Variants in TOP1 observed in about 807,000 individuals in gnomAD.
TOP1 encodes the protein DNA topoisomerase 1.
Under a neutral mutation model 111.1 loss-of-function variants are expected in TOP1, and 10 were observed. That is an observed-to-expected ratio of 0.09 (90% CI 0.06 to 0.15). TOP1 has a LOEUF of 0.15. Ranked by LOEUF, TOP1 falls within the 10% of genes least tolerant of loss-of-function variation. The pLI, the probability that TOP1 is intolerant of heterozygous loss-of-function variation, is 1.00. For synonymous variants in TOP1, 271 were observed against 302.9 expected, an observed-to-expected ratio of 0.89 and a Z score of 1.10; for missense variants, 474 against 926.7, an observed-to-expected ratio of 0.51 and a Z score of 6.34.
At chr20:41,047,351 C>G (rs2033346922) in intron 2 of TOP1, among the ~76,000 whole-genome samples, 1 of 152,212 alleles carries the variant, frequency 6.6e-6, no homozygotes, top group African/African-American at 2.4e-5. Context: ...AAATACTTAA[C>G]ACTGTGTTAC....
intron 7 of TOP1, 72 bp from the exon 8 acceptor site, chr20:41,084,390 G>C: frequency 2.4e-6 from 2 of 850,340 alleles, no homozygotes; most frequent in Non-Finnish European, 3.6e-6. Context: ...TCTTCCTCAT[G>C]GCTCCCAAAA....
At position 41,034,457 on chromosome 20, in the gene TOP1, T is replaced by C. The variant is rs1287919628; in HGVS notation, c.58+5002T>C. On this transcript the variant is annotated intron_variant, in intron 2 of 20. Transcript: ENST00000361337. The surrounding 1 kb of genome is among the most constrained non-coding windows in gnomAD (Gnocchi z 4.0). The stretch of plus-strand genomic sequence containing the variant: ...CTATCTAGATGTGGACAGTATGTGC[T>C]GTGTTGATAGCATAGGGCCTGGGAA... Among the ~76,000 whole-genome samples, 1 of 152,140 alleles carries C rather than the reference T, an allele frequency of 6.6e-6. No homozygotes were observed. Among genetic ancestry groups the C allele is most frequent in the Non-Finnish European group, 1.5e-5 (1 of 68,020 alleles).
At position 41,073,217 on chromosome 20, in the gene TOP1, C is replaced by G. The variant is rs1355693577; in HGVS notation, c.156-2954C>G. 4 of 985,064 alleles carry G rather than the reference C, an allele frequency of 4.1e-6. No homozygotes were observed. In the East Asian group the frequency reaches 3.4e-4, roughly 84 times the overall value. The allele number at this position is 985,064 out of a possible 1,614,324, so 61.0% of individuals were successfully genotyped here. A position where few individuals can be genotyped will look rare whatever the true frequency, so the allele number is the denominator to read the frequency against. ...CCTATGTTGTGATTGCCAAAAGGCTCAGAAAGCCAGTTTTCTAGTGAAAAT... is the reference window on the plus strand; with the variant it reads ...CCTATGTTGTGATTGCCAAAAGGCTGAGAAAGCCAGTTTTCTAGTGAAAAT... On this transcript the variant is annotated intron_variant, in intron 3 of 20. Transcript: ENST00000361337.
intron 7 of TOP1, among the ~76,000 whole-genome samples, chr20:41,081,515 C>G (rs1008824113): frequency 6.6e-6 from 1 of 152,170 alleles, no homozygotes; most frequent in Admixed American, 6.5e-5. Context: ...GATGTTCTTC[C>G]AAAAACTATG....
intron 2 of TOP1, among the ~76,000 whole-genome samples, chr20:41,059,506 T>A (rs1434771971): frequency 2.6e-5 from 4 of 151,836 alleles, no homozygotes; most frequent in African/African-American, 9.7e-5. Flanking sequence ...TTCCAAGGGC[T>A]GTGGCAGGAG....
chr20:41,053,400 A>ACT (rs1214457950), intron 2 of TOP1, among the ~76,000 whole-genome samples: 1 of 151,920 alleles, frequency 6.6e-6, no homozygotes, highest in Non-Finnish European at 1.5e-5. Flanking sequence ...TCATTATATT[A>ACT]CTCTTCACTT....
intron 3 of TOP1, among the ~76,000 whole-genome samples, chr20:41,075,286 C>G (rs1345951932): frequency 6.6e-6 from 1 of 152,198 alleles, no homozygotes; most frequent in Non-Finnish European, 1.5e-5. Flanking sequence ...ATTCTCCTGC[C>G]TCAGCCTCCC....
chr20:41,120,844 C>A (rs915348060), intron 18 of TOP1, among the ~76,000 whole-genome samples: 1 of 152,172 alleles, frequency 6.6e-6, no homozygotes, highest in African/African-American at 2.4e-5. Flanking sequence ...CGGGTTCATG[C>A]CATTCTACTG....
intron 18 of TOP1, among the ~76,000 whole-genome samples, chr20:41,120,709 T>C (rs1371398566): frequency 1.3e-5 from 2 of 152,252 alleles, no homozygotes; most frequent in South Asian, 2.1e-4. Context: ...TTCACATCCA[T>C]TGAGTGACAA....
In TOP1 at chr20:41,102,364, CTT is replaced by C. The variant is rs2034076929; in HGVS notation, c.1308+1013_1308+1014del. Reference sequence around the variant, plus strand: ...GTGGCTCAAGCCTGTAATCCCAGCACTTTGGGAGGCCGAGATGGGCGGATCAC... The same window carrying C: ...GTGGCTCAAGCCTGTAATCCCAGCACTGGGAGGCCGAGATGGGCGGATCAC... On this transcript the variant is annotated intron_variant, in intron 13 of 20. Transcript: ENST00000361337. This position sits in a 1 kb window ranked among gnomAD's most constrained non-coding sequence, Gnocchi z 4.0. Among the ~76,000 whole-genome samples, 1 of 152,160 alleles carries C rather than the reference CTT, an allele frequency of 6.6e-6. No homozygotes were observed. Among genetic ancestry groups the C allele is most frequent in the Admixed American group, 6.5e-5 (1 of 15,276 alleles).
At chr20:41,063,049 A>G (rs1464064123) in intron 3 of TOP1, among the ~76,000 whole-genome samples, 1 of 152,200 alleles carries the variant, frequency 6.6e-6, no homozygotes, top group African/African-American at 2.4e-5. Context: ...TCACCCAGGT[A>G]CTGAGCATAG....
intron 8 of TOP1, among the ~76,000 whole-genome samples, chr20:41,084,973 G>C (rs1568690284): frequency 6.6e-6 from 1 of 152,062 alleles, no homozygotes; most frequent in Non-Finnish European, 1.5e-5. Context: ...TAATTGTGCA[G>C]TAGTGAAGAT....
chr20:41,116,044 G>T lies in TOP1; in HGVS notation c.1708-234G>T, dbSNP rs1279082996. Among the ~76,000 whole-genome samples, 2 of 152,162 alleles carry T rather than the reference G, an allele frequency of 1.3e-5. No homozygotes were observed. Among genetic ancestry groups the T allele is most frequent in the Non-Finnish European group, 2.9e-5 (2 of 68,028 alleles). ...CCGAGATTGTACCACTGCACTCCAG[G>T]CTGGGTGTCAGAGTGAGACCCTGTC... On this transcript the variant is annotated intron_variant, in intron 16 of 20. Coordinates refer to ENST00000361337, the MANE Select transcript of TOP1 (RefSeq NM_003286.4). This position sits in a 1 kb window ranked among gnomAD's most constrained non-coding sequence, Gnocchi z 5.6.
At chr20:41,036,082 G>A (rs1172105356) in intron 2 of TOP1, among the ~76,000 whole-genome samples, 2 of 152,188 alleles carry the variant, frequency 1.3e-5, no homozygotes, top group Non-Finnish European at 2.9e-5. Context: ...AATATAGATT[G>A]CATAGGCTTA....
chr20:41,062,459 T>C (rs1028272045), intron 3 of TOP1, among the ~76,000 whole-genome samples: 5 of 152,244 alleles, frequency 3.3e-5, no homozygotes, highest in African/African-American at 9.6e-5. Context: ...TGGCCTTTTT[T>C]CCCTATCCCT....
Position 41,121,945 on chromosome 20 carries a change from G to A in TOP1, c.2046-61G>A, listed in dbSNP as rs2145973878. 2 of 1,596,778 alleles carry A rather than the reference G, an allele frequency of 1.3e-6. No homozygotes were observed. The highest frequency in any genetic ancestry group is 1.7e-6 in the Non-Finnish European group (2 of 1,168,870). On this transcript the variant is annotated intron_variant, in intron 19 of 20. Coordinates refer to ENST00000361337, the MANE Select transcript of TOP1 (RefSeq NM_003286.4). This position sits in a 1 kb window ranked among gnomAD's most constrained non-coding sequence, Gnocchi z 4.2. ...TTATTGACTCAAAGTGGCAGGATGG[G>A]TACAGTGTGCTCTTGTCTAGAGCCC...
rs1451584065 is a variant in TOP1 at position 41,030,524 on chromosome 20, A to G, written c.58+1069A>G. Among the ~76,000 whole-genome samples, 1 of 152,008 alleles carries G rather than the reference A, an allele frequency of 6.6e-6. No homozygotes were observed. Among genetic ancestry groups the G allele is most frequent in the Non-Finnish European group, 1.5e-5 (1 of 68,002 alleles). On this transcript the variant is annotated intron_variant, in intron 2 of 20. Transcript: ENST00000361337. This position sits in a 1 kb window ranked among gnomAD's most constrained non-coding sequence, Gnocchi z 4.1. ...TATGTTTTTGAACCCTTTTCAGCCAAATCAAGGCATTTATTCTTACTGTAT... is the reference window on the plus strand; with the variant it reads ...TATGTTTTTGAACCCTTTTCAGCCAGATCAAGGCATTTATTCTTACTGTAT...
At chr20:41,089,827 C>G (rs115746652) in intron 8 of TOP1, among the ~76,000 whole-genome samples, 1 of 152,196 alleles carries the variant, frequency 6.6e-6, no homozygotes, top group African/African-American at 2.4e-5. Flanking sequence ...TATTGCCATC[C>G]TTATGAGTAT....
chr20:41,056,876 C>G (rs550850214), intron 2 of TOP1, among the ~76,000 whole-genome samples: 1 of 152,116 alleles, frequency 6.6e-6, no homozygotes. Flanking sequence ...GAGTTTCTCA[C>G]CAGACATTTT....
Sources: gnomAD v4.1 joint callset for allele counts (sites outside exome capture counted in the v4.1 genomes callset) on GRCh38, gnomAD v4.1.1 for gene constraint, Gnocchi (gnomAD v3.1) non-coding constraint, MANE v1.5 for transcripts, NCBI Gene and HGNC (gene_info 2026-07-23, HGNC 2026-07-21) for gene names.